The following REDIC1 variants were observed in gnomAD, a reference collection of about 807,000 sequenced individuals.
REDIC1 encodes regulator of DNA class I crossover intermediates 1, also known as HEI10 Interacting Protein 1.
the REDIC1 span, among the ~76,000 whole-genome samples, chr12:39,803,686 C>T: frequency 6.6e-6 from 1 of 152,076 alleles, no homozygotes; most frequent in South Asian, 2.1e-4. Flanking sequence ...GAATAAATTC[C>T]TCAGAATATG....
At chr12:39,685,773 C>A in the REDIC1 span, among the ~76,000 whole-genome samples, 908 of 152,266 alleles carry the variant, frequency 6.0e-3, 8 homozygotes, top group African/African-American at 0.021. Context: ...AAGTCTCTTC[C>A]ATCTATGAGC....
chr12:39,627,879 A>G, the REDIC1 span, among the ~76,000 whole-genome samples: 1 of 152,240 alleles, frequency 6.6e-6, no homozygotes, highest in South Asian at 2.1e-4. Flanking sequence ...TTACAAAAAA[A>G]GAGAAATGTT....
chr12:39,806,788 C>A, the REDIC1 span, among the ~76,000 whole-genome samples: 1 of 151,996 alleles, frequency 6.6e-6, no homozygotes, highest in Non-Finnish European at 1.5e-5. Flanking sequence ...TCAAGACAGT[C>A]GAAAATAAAT....
the REDIC1 span, among the ~76,000 whole-genome samples, chr12:39,700,031 C>T: frequency 3.3e-5 from 5 of 152,144 alleles, no homozygotes; most frequent in African/African-American, 1.2e-4. Flanking sequence ...AAGCAGAGCG[C>T]CTCTCCTCCT....
the REDIC1 span, among the ~76,000 whole-genome samples, chr12:39,722,408 A>G: frequency 6.6e-6 from 1 of 152,134 alleles, no homozygotes; most frequent in Admixed American, 6.6e-5. Context: ...GTTTTTCAAA[A>G]GGCCAGATTT....
the REDIC1 span, among the ~76,000 whole-genome samples, chr12:39,654,008 A>T: frequency 6.7e-6 from 1 of 150,108 alleles, no homozygotes; most frequent in African/African-American, 2.5e-5. Context: ...GAGCATTGAG[A>T]GTTTTTATCA....
chr12:39,725,292 A>G, the REDIC1 span, among the ~76,000 whole-genome samples: 3 of 152,164 alleles, frequency 2.0e-5, no homozygotes, highest in Admixed American at 6.6e-5. Flanking sequence ...TGAAATCACA[A>G]ACTAGCCACT....
At chr12:39,635,196 G>A in the REDIC1 span, among the ~76,000 whole-genome samples, 2 of 152,190 alleles carry the variant, frequency 1.3e-5, no homozygotes, top group African/African-American at 4.8e-5. Flanking sequence ...CTGTTGGTGG[G>A]AGTGTAAATT....
At chr12:39,665,255 T>C in the REDIC1 span, among the ~76,000 whole-genome samples, 1 of 152,154 alleles carries the variant, frequency 6.6e-6, no homozygotes, top group Non-Finnish European at 1.5e-5. Context: ...TTGTATAAGG[T>C]GTAAGGAAGG....
chr12:39,754,628 C>G, the REDIC1 span, among the ~76,000 whole-genome samples: 1 of 151,990 alleles, frequency 6.6e-6, no homozygotes, highest in Non-Finnish European at 1.5e-5. Flanking sequence ...AACGGAGTCC[C>G]AAAAAGAACT....
At chr12:39,638,618 G>A in the REDIC1 span, among the ~76,000 whole-genome samples, 1 of 151,986 alleles carries the variant, frequency 6.6e-6, no homozygotes. Flanking sequence ...ATAATTGAGA[G>A]TGACTATATT....
chr12:39,704,183 G>T, the REDIC1 span, among the ~76,000 whole-genome samples: 8 of 151,724 alleles, frequency 5.3e-5, no homozygotes, highest in Non-Finnish European at 1.2e-4. Flanking sequence ...ATCTGACAAA[G>T]GGCTAATATC....
At chr12:39,782,183 G>A in the REDIC1 span, among the ~76,000 whole-genome samples, 12 of 152,244 alleles carry the variant, frequency 7.9e-5, no homozygotes, top group African/African-American at 2.4e-4. Flanking sequence ...AAAGTAAGAG[G>A]CAGTCTGCTG....
the REDIC1 span, among the ~76,000 whole-genome samples, chr12:39,898,691 T>C: frequency 1.3e-5 from 2 of 152,140 alleles, no homozygotes; most frequent in Non-Finnish European, 2.9e-5. Context: ...AAACTGCAGA[T>C]TGCAATCTCC....
the REDIC1 span, among the ~76,000 whole-genome samples, chr12:39,826,077 T>C: frequency 5.9e-5 from 9 of 152,284 alleles, no homozygotes; most frequent in Admixed American, 5.9e-4. Flanking sequence ...GATTTACTTA[T>C]AATTTACTGA....
chr12:39,895,769 TGTATATGCGTGTATACGTACACAC>T, the REDIC1 span, among the ~76,000 whole-genome samples: 23 of 97,626 alleles, frequency 2.4e-4, 7 homozygotes, highest in East Asian at 5.5e-4. Flanking sequence ...CGTACACACA[TGTATATGCGTGTATACGTACACAC>T]ATGTATATGC....
the REDIC1 span, among the ~76,000 whole-genome samples, chr12:39,802,862 A>G: frequency 6.6e-6 from 1 of 152,158 alleles, no homozygotes; most frequent in African/African-American, 2.4e-5. Context: ...TCAATGAATA[A>G]TCTAGGAACC....
chr12:39,871,798 C>G, the REDIC1 span: 1 of 1,596,524 alleles, frequency 6.3e-7, no homozygotes, highest in Non-Finnish European at 8.5e-7. Context: ...AGCCACCTAC[C>G]TGCTAAACTA....
chr12:39,834,667 G>A, the REDIC1 span, among the ~76,000 whole-genome samples: 5 of 151,912 alleles, frequency 3.3e-5, no homozygotes, highest in African/African-American at 7.2e-5. Context: ...AGTGGGGCTC[G>A]GTGTGGGAAC....
Sources: allele counts gnomAD v4.1 joint callset (sites outside exome capture counted in the v4.1 genomes callset), GRCh38; gene constraint gnomAD v4.1.1; transcripts MANE v1.5; gene names NCBI Gene and HGNC (gene_info 2026-07-23, HGNC 2026-07-21).